SBK2: variants seen among roughly 807,000 people sequenced by gnomAD.
SBK2 encodes SH3 domain binding kinase family member 2.
Under a neutral mutation model 15.9 loss-of-function variants are expected in SBK2, and 18 were observed. The observed-to-expected ratio is 1.13, with a 90% confidence interval of 0.78 to 1.68. SBK2 has a LOEUF of 1.68. Among genes scored for constraint, SBK2 ranks in the 40% most tolerant of loss-of-function variants. The pLI, the probability that SBK2 is intolerant of heterozygous loss-of-function variation, is 0.00. For missense variants in SBK2, 581 were observed against 510.9 expected (o/e 1.14, Z -1.32); for synonymous variants, 284 against 246.8 (o/e 1.15, Z -1.41).
intron 3 of SBK2, among the ~76,000 whole-genome samples, chr19:55,530,544 A>G (rs180748679): frequency 8.5e-5 from 2 of 23,628 alleles, no homozygotes; most frequent in Admixed American, 4.3e-4. Flanking sequence ...AGTGGGGCCT[A>G]GTGTGACCTG....
At position 55,531,306 on chromosome 19, in the gene SBK2, G is replaced by A. The variant is rs374974635; in HGVS notation, c.293C>T (p.Thr98Met). ...LALKQLPKPR[T>M]SLRGFLYEFC... ...CTCGTACAGGAAGCCACGGAGGGAC[G>A]TGCGGGGTTTCGGGAGCTGCTTCAG... The change falls in exon 3 of 4, where the codon ACG (threonine) becomes ATG (methionine). Residue 98 changes from threonine (T) to methionine (M), a missense_variant. Transcript: ENST00000413299. 18 of 1,612,584 alleles carry A rather than the reference G, an allele frequency of 1.1e-5. No homozygotes were observed. The highest frequency in any genetic ancestry group is 4.0e-5 in the African/African-American group (3 of 74,906).
chr19:55,533,659 C>CAAAAAAAAAAAAAAAAAAA (rs71181785), intron 2 of SBK2, among the ~76,000 whole-genome samples: 2 of 33,896 alleles, frequency 5.9e-5, no homozygotes, highest in Non-Finnish European at 9.1e-5. Flanking sequence ...GACTCCGTCT[C>CAAAAAAAAAAAAAAAAAAA]AAAAAAAAAA....
rs1188768747 is a variant in SBK2 at position 55,530,126 on chromosome 19, C to T, written c.654G>A (p.Gly218=). The T allele has an allele frequency of 2.1e-6, 3 of 1,461,544 alleles. No homozygotes were observed. Among genetic ancestry groups the T allele is most frequent in the Non-Finnish European group, 1.8e-6 (2 of 1,111,108 alleles). 90.5% of individuals were successfully genotyped at this position (1,461,544 alleles called of 1,614,324 possible). A position where few individuals can be genotyped will look rare whatever the true frequency, so the allele number is the denominator to read the frequency against. ...RPRGTLLRLA[G]PPIPYTAPEL... The stretch of plus-strand genomic sequence containing the variant: ...CGGGGGCCGTGTAGGGGATGGGCGG[C>T]CCGGCCAGGCGCAGCAGCGTCCCGC... The change falls in exon 4 of 4, where the codon GGG becomes GGA. Residue 218 remains glycine, a synonymous_variant. Transcript: ENST00000413299.
intron 2 of SBK2, among the ~76,000 whole-genome samples, chr19:55,534,711 A>AAAAG (rs1555770621): frequency 6.8e-6 from 1 of 146,624 alleles, no homozygotes; most frequent in African/African-American, 2.5e-5. Context: ...TCTCAAAAAA[A>AAAAG]AAAAAAAAAG....
At chr19:55,536,488 G>A (rs1424512370) in intron 1 of SBK2, among the ~76,000 whole-genome samples, 192 bp from the exon 2 acceptor site, 2 of 149,500 alleles carry the variant, frequency 1.3e-5, no homozygotes, top group African/African-American at 2.5e-5. Context: ...GGTCACAGAT[G>A]TCCCTGCCCG....
chr19:55,535,806 C>T (rs1386683438), intron 2 of SBK2, among the ~76,000 whole-genome samples: 1 of 152,164 alleles, frequency 6.6e-6, no homozygotes, highest in African/African-American at 2.4e-5. Context: ...AACACTTGAA[C>T]CTGGGAGGTG....
chr19:55,536,187 C>G lies in SBK2; in HGVS notation c.108G>C (p.Gln36His). ...TGTCCTCCAGCGCGCGGGCAGCCTC[C>G]TGGCCCTGCTGGAGCTCCTCTAATG... Reference protein sequence around the residue: ...GLTLEELQQGQEAARALEDMM... With the variant: ...GLTLEELQQGHEAARALEDMM... The change falls in exon 2 of 4, where the codon CAG (glutamine) becomes CAC (histidine). Residue 36 changes from glutamine to histidine, a missense_variant. Gln to His is a conservative substitution (Grantham distance 24, BLOSUM62 0). Transcript: ENST00000413299. 1 of 1,607,498 alleles carries G rather than the reference C, an allele frequency of 6.2e-7. No homozygotes were observed. The highest frequency in any genetic ancestry group is 8.5e-7 in the Non-Finnish European group (1 of 1,177,378).
chr19:55,534,790 T>C (rs1362034878), intron 2 of SBK2, among the ~76,000 whole-genome samples: 1 of 151,076 alleles, frequency 6.6e-6, no homozygotes, highest in Admixed American at 6.6e-5. Context: ...TTTGGGAGGC[T>C]GAGGCAGGAG....
rs199758885 is a variant in SBK2, at chr19:55,536,266, G to C, written c.29C>G (p.Pro10Arg). The C allele has an allele frequency of 3.1e-5, 49 of 1,586,630 alleles. No individual in the cohort carries two copies. The East Asian group carries it at 1.1e-3, about 35-fold the overall frequency. ...GTCCTCCGAAGCCCCTGCCTCCGCC[G>C]GCCCTTCCTCAGACTGTTTGCCGGG... MPGKQSEEG[P>R]AEAGASEDSE... The change falls in exon 2 of 4, where the codon CCG becomes CGG. Residue 10 changes from proline to arginine, a missense_variant. Physicochemically the swap from Pro to Arg is moderately radical, Grantham distance 103. Transcript: ENST00000413299.
rs1420683831 is a variant in SBK2 at position 55,537,108 on chromosome 19, C to T, written c.-57G>A. The stretch of plus-strand genomic sequence containing the variant: ...CGCCGGCTGTGGTCAGTGCCCGGCA[C>T]TTAGGGCTCATGCCAGCAGAGGCCT... On this transcript the variant is annotated 5_prime_UTR_variant, in exon 1 of 4. The change creates a new upstream start codon in the 5' untranslated region. Coordinates refer to ENST00000413299, the MANE Select transcript of SBK2 (RefSeq NM_001370096.2). 1 of 152,718 alleles carries T rather than the reference C, an allele frequency of 6.5e-6. No homozygotes were observed. The highest frequency in any genetic ancestry group is 1.9e-4 in the East Asian group (1 of 5,198). 9.5% of individuals were successfully genotyped at this position (152,718 alleles called of 1,614,324 possible).
chr19:55,536,648 C>T (rs1388620523), intron 1 of SBK2, among the ~76,000 whole-genome samples: 2 of 151,690 alleles, frequency 1.3e-5, no homozygotes, highest in Non-Finnish European at 2.9e-5. Flanking sequence ...TGCTCTTGGG[C>T]TCAGGGCTGG....
At chr19:55,530,418 G>C (rs974798887) in intron 3 of SBK2, 95 bp from the exon 4 acceptor site, 50 of 1,169,848 alleles carry the variant, frequency 4.3e-5, no homozygotes, top group Non-Finnish European at 5.4e-5. Context: ...GGCCGGTAAG[G>C]AAGACGGTGA....
rs1241163246 is a variant in SBK2 at position 55,529,821 on chromosome 19, G to A, written c.959C>T (p.Ala320Val). ...GGGGCGCCCCAGGTGCTCCCTGATGGCGATCACAGCGCTCCTCCTTCGGGG... is the reference window on the plus strand; with the variant it reads ...GGGGCGCCCCAGGTGCTCCCTGATGACGATCACAGCGCTCCTCCTTCGGGG... ...PHPRRRSAVI[A>V]IREHLGRPWR... Residue 320 changes from alanine to valine, a missense_variant, in exon 4 of 4, where the codon GCC (alanine) becomes GTC (valine). Transcript: ENST00000413299. 1 of 1,604,376 alleles carries A rather than the reference G, an allele frequency of 6.2e-7. No individual in the cohort carries two copies. The highest frequency in any genetic ancestry group is 1.1e-5 in the South Asian group (1 of 91,056).
intron 2 of SBK2, among the ~76,000 whole-genome samples, chr19:55,535,467 G>A (rs1468776999): frequency 6.6e-6 from 1 of 152,194 alleles, no homozygotes; most frequent in African/African-American, 2.4e-5. Flanking sequence ...AGCAACTAGA[G>A]CAGTCCACAT....
Position 55,530,114 on chromosome 19 carries a change from G to T in SBK2, c.666C>A (p.Pro222=). The T allele has an allele frequency of 6.9e-7, 1 of 1,457,178 alleles. No individual in the cohort carries two copies. The allele number at this position is 1,457,178 out of a possible 1,614,324, so 90.3% of individuals were successfully genotyped here. Residue 222 remains proline, a synonymous_variant, in exon 4 of 4, where the codon CCC becomes CCA. Transcript: ENST00000413299. The stretch of plus-strand genomic sequence containing the variant: ...GCGCGCAGAGCTCGGGGGCCGTGTA[G>T]GGGATGGGCGGCCCGGCCAGGCGCA... The part of the protein sequence containing the change: ...TLLRLAGPPI[P]YTAPELCAPP...
At chr19:55,531,396 TG>T (rs1190457626) in intron 2 of SBK2, 51 bp from the exon 3 acceptor site, 5 of 1,413,522 alleles carry the variant, frequency 3.5e-6, no homozygotes, top group Non-Finnish European at 4.9e-6. Flanking sequence ...AAGGGCCACC[TG>T]GGCCAGCTGC....
chr19:55,533,509 G>A (rs564283492), intron 2 of SBK2, among the ~76,000 whole-genome samples: 22 of 150,318 alleles, frequency 1.5e-4, no homozygotes, highest in South Asian at 6.4e-4. Context: ...TCAGCCAGGT[G>A]TGGTGGTGCA....
At chr19:55,531,398 G>A in intron 2 of SBK2, 53 bp from the exon 3 acceptor site, 1 of 1,410,806 alleles carries the variant, frequency 7.1e-7, no homozygotes, top group South Asian at 1.2e-5. Flanking sequence ...GGGCCACCTG[G>A]GCCAGCTGCT....
At chr19:55,532,619 A>C (rs1489750605) in intron 2 of SBK2, among the ~76,000 whole-genome samples, 1 of 46,242 alleles carries the variant, frequency 2.2e-5, no homozygotes, top group Non-Finnish European at 5.0e-5. Flanking sequence ...TTTTTTTTTT[A>C]AGACAGGGTC....
Sources: allele counts gnomAD v4.1 joint callset (sites outside exome capture counted in the v4.1 genomes callset), GRCh38; gene constraint gnomAD v4.1.1; transcripts MANE v1.5; gene names NCBI Gene and HGNC (gene_info 2026-07-23, HGNC 2026-07-21).